Variants in INTS7 observed in about 807,000 individuals in gnomAD.
INTS7 encodes the protein chromosome 1 open reading frame 73.
In INTS7, 46 loss-of-function variants were observed where a neutral mutation model predicts 109.2. The ratio of observed to expected loss-of-function variants is 0.42; its 90% CI spans 0.33 to 0.54. The LOEUF (loss-of-function observed/expected upper bound fraction) is 0.54, where lower values mean the gene tolerates loss of function less well. INTS7 is among the 20% of genes least tolerant of loss of function. The probability of loss-of-function intolerance (pLI) is 0.07; values close to 1 mark genes in which losing one functional copy is unlikely to be tolerated. For synonymous variants in INTS7, 412 were observed against 402.9 expected (o/e 1.02, Z -0.27); for missense variants, 929 against 1,132.4 (o/e 0.82, Z 2.58).
chr1:212,029,155 T>G (rs530772319), intron 1 of INTS7, among the ~76,000 whole-genome samples: 1 of 152,330 alleles, frequency 6.6e-6, no homozygotes, highest in African/African-American at 2.4e-5. Context: ...AATCTCCAAG[T>G]AGCATCTATC....
chr1:212,012,187 G>A (rs112057249), intron 4 of INTS7, among the ~76,000 whole-genome samples: 4 of 152,098 alleles, frequency 2.6e-5, no homozygotes, highest in East Asian at 3.9e-4. Flanking sequence ...CCCTGAAAGC[G>A]TGTGAGTTTG....
At chr1:212,010,651 T>C (rs1230620130) in intron 5 of INTS7, among the ~76,000 whole-genome samples, 1 of 152,222 alleles carries the variant, frequency 6.6e-6, no homozygotes, top group Non-Finnish European at 1.5e-5. Context: ...ATAGACCCTG[T>C]AGTCATTGTA....
At chr1:212,029,545 T>C (rs1373467281) in intron 1 of INTS7, among the ~76,000 whole-genome samples, 1 of 152,212 alleles carries the variant, frequency 6.6e-6, no homozygotes, top group Non-Finnish European at 1.5e-5. Context: ...CAAGGGAAAC[T>C]AGGAAATAAG....
At chr1:211,970,532 A>G (rs1664124247) in intron 13 of INTS7, among the ~76,000 whole-genome samples, 1 of 152,216 alleles carries the variant, frequency 6.6e-6, no homozygotes, top group Admixed American at 6.5e-5. Flanking sequence ...TATCTGGCCA[A>G]TTTTACCTCA....
intron 16 of INTS7, among the ~76,000 whole-genome samples, chr1:211,956,812 T>G (rs536079698): frequency 6.6e-6 from 1 of 152,340 alleles, no homozygotes; most frequent in African/African-American, 2.4e-5. Flanking sequence ...TATACTACAA[T>G]TTGTTTATCC....
rs943674474 is a variant in INTS7, at chr1:211,959,866, C to T, written c.2183+6564G>A. 1.1e-4 allele frequency among the ~76,000 whole-genome samples: 16 copies of T among 152,198 alleles called. No homozygotes were observed. The highest frequency in any genetic ancestry group is 2.1e-4 in the South Asian group (1 of 4,832). On this transcript the variant is annotated intron_variant, in intron 16 of 19. Coordinates refer to ENST00000366994, the MANE Select transcript of INTS7 (RefSeq NM_015434.4). The surrounding 1 kb of genome is among the most constrained non-coding windows in gnomAD (Gnocchi z 4.2). ...CCAACAGGGTTCCCCTGCACCCCAC[C>T]GGCCACCTGCGCTGCCTCTGCTGCT... is the stretch of plus-strand genomic sequence containing the variant.
At chr1:212,014,045 T>C (rs775395941) in intron 4 of INTS7, among the ~76,000 whole-genome samples, 3 of 152,268 alleles carry the variant, frequency 2.0e-5, no homozygotes, top group Non-Finnish European at 2.9e-5. Flanking sequence ...ACTGTACTTA[T>C]TCAGGTATTT....
intron 15 of INTS7, 43 bp from the exon 16 acceptor site, chr1:211,966,541 C>T: frequency 8.2e-7 from 1 of 1,222,580 alleles, no homozygotes. Flanking sequence ...GAGAAGAAAC[C>T]CGCTATAGGT....
At position 211,964,094 on chromosome 1, in the gene INTS7, T is replaced by C. The variant is rs180772213; in HGVS notation, c.2183+2336A>G. Among the ~76,000 whole-genome samples, 114 of 152,222 alleles carry C rather than the reference T, an allele frequency of 7.5e-4. 1 individual carries two copies. Among genetic ancestry groups the C allele is most frequent in the Non-Finnish European group, 2.5e-4 (17 of 67,992 alleles). On this transcript the variant is annotated intron_variant, in intron 16 of 19. Coordinates refer to ENST00000366994, the MANE Select transcript of INTS7 (RefSeq NM_015434.4). ...ATGATACTATATCTAGGAAAGCCAA[T>C]AGTCTTGGCCCACAAGCTCCTTAAG... is the stretch of plus-strand genomic sequence containing the variant.
At chr1:211,957,846 C>T (rs565831604) in intron 16 of INTS7, among the ~76,000 whole-genome samples, 11 of 151,358 alleles carry the variant, frequency 7.3e-5, no homozygotes, top group Non-Finnish European at 1.5e-4. Context: ...TTTAGTATTC[C>T]ACTTTATGGC....
At chr1:211,967,671 A>G (rs1236112310) in intron 15 of INTS7, among the ~76,000 whole-genome samples, 1 of 152,130 alleles carries the variant, frequency 6.6e-6, no homozygotes, top group Non-Finnish European at 1.5e-5. Flanking sequence ...TATAAAAAAG[A>G]CACCTTCGAG....
intron 8 of INTS7, among the ~76,000 whole-genome samples, chr1:211,986,606 C>T (rs1664904993): frequency 6.6e-6 from 1 of 152,200 alleles, no homozygotes; most frequent in Admixed American, 6.5e-5. Context: ...CACAGCTTAA[C>T]TTCTGTTACA....
intron 17 of INTS7, among the ~76,000 whole-genome samples, chr1:211,952,181 C>T (rs1404601079): frequency 1.3e-5 from 2 of 152,306 alleles, no homozygotes; most frequent in African/African-American, 2.4e-5. Flanking sequence ...ATTCCAGAAA[C>T]TCAGAGTTAG....
Position 211,967,885 on chromosome 1 carries a change from C to T in INTS7, c.2107G>A (p.Val703Ile). The change falls in exon 15 of 20, where the codon GTT (valine) becomes ATT (isoleucine). Residue 703 changes from valine (V) to isoleucine (I), a missense_variant. Coordinates refer to ENST00000366994, the MANE Select transcript of INTS7 (RefSeq NM_015434.4). ...FDADSATLRNVELQQQSCLLI... is the reference protein window; with the variant it reads ...FDADSATLRNIELQQQSCLLI... Reference sequence around the variant, plus strand: ...AGGGCAAGCTTGGGATACAGTTCAACATTCCTCAAAGTTGCTGAGTCAGCA... The same window carrying T: ...AGGGCAAGCTTGGGATACAGTTCAATATTCCTCAAAGTTGCTGAGTCAGCA... 6.3e-7 allele frequency: 1 copy of T among 1,583,858 alleles called. No individual in the cohort carries two copies. The highest frequency in any genetic ancestry group is 8.6e-7 in the Non-Finnish European group (1 of 1,156,312).
chr1:211,980,359 T>C (rs888352392), intron 10 of INTS7, among the ~76,000 whole-genome samples: 1 of 152,242 alleles, frequency 6.6e-6, no homozygotes, highest in African/African-American at 2.4e-5. Flanking sequence ...TTAACTATGC[T>C]TCTCCTCATT....
rs149091349 is a variant in INTS7, at chr1:212,011,683, T to C, written c.510-262A>G. ...ACCACAATACAGTGTTATTTTTTCA[T>C]AACACTAACAAGCATCTGAAATTAT... On this transcript the variant is annotated intron_variant, in intron 4 of 19. Coordinates refer to ENST00000366994, the MANE Select transcript of INTS7 (RefSeq NM_015434.4). The C allele has an allele frequency of 4.9e-3, 1,785 of 363,430 alleles. 11 individuals carry two copies. Among genetic ancestry groups the C allele is most frequent in the Non-Finnish European group, 6.8e-3 (1,356 of 198,772 alleles). 22.5% of individuals were successfully genotyped at this position (363,430 alleles called of 1,614,324 possible).
chr1:211,982,814 A>C lies in INTS7; in HGVS notation c.998-4T>G. 1 of 1,600,830 alleles carries C rather than the reference A, an allele frequency of 6.2e-7. No individual in the cohort carries two copies. The highest frequency in any genetic ancestry group is 8.5e-7 in the Non-Finnish European group (1 of 1,172,810). On this transcript the variant is annotated splice_polypyrimidine_tract_variant and splice_region_variant and intron_variant, in intron 8 of 19. Transcript: ENST00000366994. ...CTGGGAGAAGAACTCACATTTCCTA[A>C]AAAAGCAGAGAAAAGTAGTAGAAAT...
intron 10 of INTS7, among the ~76,000 whole-genome samples, chr1:211,980,433 TTTTA>T (rs959882250): frequency 2.8e-4 from 42 of 152,296 alleles, no homozygotes; most frequent in East Asian, 2.5e-3. Flanking sequence ...TCATTTCACA[TTTTA>T]TTTATTTATT....
At chr1:211,953,302 TTC>T (rs1663194501) in intron 16 of INTS7, among the ~76,000 whole-genome samples, 1 of 152,226 alleles carries the variant, frequency 6.6e-6, no homozygotes, top group Non-Finnish European at 1.5e-5. Context: ...CTAGATTTCT[TTC>T]TTTTTCCTCT....
Sources: gnomAD v4.1 joint callset for allele counts (sites outside exome capture counted in the v4.1 genomes callset) on GRCh38, gnomAD v4.1.1 for gene constraint, Gnocchi (gnomAD v3.1) non-coding constraint, MANE v1.5 for transcripts, NCBI Gene and HGNC (gene_info 2026-07-23, HGNC 2026-07-21) for gene names.